The following SOX6 variants were observed in gnomAD, a reference collection of about 807,000 sequenced individuals.
The protein encoded by SOX6 is transcription factor SOX-6.
A neutral mutation model predicts 97.8 loss-of-function variants in SOX6; 11 were observed. The observed-to-expected ratio is 0.11, with a 90% CI of 0.07 to 0.19. SOX6 has a LOEUF of 0.19. Among genes scored for constraint, SOX6 ranks in the 10% least tolerant of loss-of-function variants. The probability of loss-of-function intolerance (pLI) is 1.00; values close to 1 mark genes in which losing one functional copy is unlikely to be tolerated. For missense variants in SOX6, 810 were observed against 1,039.5 expected, an observed-to-expected ratio of 0.78 and a Z score of 3.04; for synonymous variants, 360 against 371.4, an observed-to-expected ratio of 0.97 and a Z score of 0.35.
intron 3 of SOX6, among the ~76,000 whole-genome samples, chr11:16,250,227 T>A (rs1183486573): frequency 1.3e-5 from 2 of 152,170 alleles, no homozygotes; most frequent in Non-Finnish European, 2.9e-5. Flanking sequence ...GCTCTCCTTA[T>A]GATAAAGAAT....
chr11:16,547,730 A>C (rs553375568), intron 4 of SOX6, among the ~76,000 whole-genome samples: 1 of 152,262 alleles, frequency 6.6e-6, no homozygotes, highest in South Asian at 2.1e-4. Flanking sequence ...AAGTAGAGTG[A>C]TTATCATTAA....
At chr11:16,442,655 A>G (rs1032660630) in intron 1 of SOX6, among the ~76,000 whole-genome samples, 2 of 152,148 alleles carry the variant, frequency 1.3e-5, no homozygotes, top group Non-Finnish European at 2.9e-5. Flanking sequence ...TTGGCTAGCA[A>G]AGTATAAGAA....
At chr11:16,466,930 C>CAAAAAAA (rs764424447) in intron 1 of SOX6, among the ~76,000 whole-genome samples, 1 of 41,550 alleles carries the variant, frequency 2.4e-5, no homozygotes, top group Non-Finnish European at 4.3e-5. Context: ...GACTCCGTCT[C>CAAAAAAA]AAAAAAAAAA....
rs190162161 is a variant in SOX6, at chr11:15,999,839, C to T, written c.1733-10609G>A. On this transcript the variant is annotated intron_variant, in intron 13 of 15. Transcript: ENST00000683767. ...TATTAATAGAATAGTTGATTTTCTC[C>T]TGTGAGATTCTGAAGAGTCACACAA... Among the ~76,000 whole-genome samples, 25 of 152,204 alleles carry T rather than the reference C, an allele frequency of 1.6e-4. No homozygotes were observed. In the East Asian group the frequency reaches 4.8e-3, roughly 29 times the overall value.
At chr11:16,056,465 G>C (rs567230786) in intron 9 of SOX6, among the ~76,000 whole-genome samples, 1 of 152,172 alleles carries the variant, frequency 6.6e-6, no homozygotes, top group East Asian at 1.9e-4. Context: ...TTATTTCTAG[G>C]CAGCGTATAA....
chr11:16,523,561 C>G (rs958699198), intron 4 of SOX6, among the ~76,000 whole-genome samples: 1 of 151,910 alleles, frequency 6.6e-6, no homozygotes, highest in Non-Finnish European at 1.5e-5. Context: ...CCTAACATCA[C>G]AATTAAAAGA....
intron 4 of SOX6, among the ~76,000 whole-genome samples, chr11:16,205,117 T>C (rs552201068): frequency 6.6e-6 from 1 of 152,276 alleles, no homozygotes; most frequent in South Asian, 2.1e-4. Flanking sequence ...AATGCTCATC[T>C]AATAGCAGAA....
At chr11:16,097,539 A>C (rs917516924) in intron 8 of SOX6, 70 bp downstream of exon 8, 4 of 1,310,954 alleles carry the variant, frequency 3.1e-6, no homozygotes, top group Non-Finnish European at 4.4e-6. Flanking sequence ...ATTATTTAGC[A>C]TACAGCTGGT....
intron 1 of SOX6, among the ~76,000 whole-genome samples, chr11:16,462,361 G>A (rs1206283534): frequency 6.6e-6 from 1 of 152,140 alleles, no homozygotes; most frequent in African/African-American, 2.4e-5. Context: ...TACTGTCTTG[G>A]GAGTTTATAT....
At chr11:16,179,412 CAT>C (rs1565001848) in intron 6 of SOX6, among the ~76,000 whole-genome samples, 2 of 151,806 alleles carry the variant, frequency 1.3e-5, no homozygotes, top group Non-Finnish European at 2.9e-5. Context: ...GAAAGATAAT[CAT>C]ATATGCTTAA....
rs869051811 is a variant in SOX6 at position 16,132,338 on chromosome 11, AAAAGAAAGAAAGAAAGAAAG to A, written c.778-20435_778-20416del. ...AGGAAGGAAGGAAGGAAGGAAAGAAAAAAGAAAGAAAGAAAGAAAGAAAGAAAGAAAGAAAGAAAGAAAGA... is the reference window on the plus strand; with the variant it reads ...AGGAAGGAAGGAAGGAAGGAAAGAAAAAAGAAAGAAAGAAAGAAAGAAAGA... On this transcript the variant is annotated intron_variant, in intron 6 of 15. Coordinates refer to ENST00000683767, the MANE Select transcript of SOX6 (RefSeq NM_001367873.1). 2.7e-4 allele frequency among the ~76,000 whole-genome samples: 11 copies of A among 40,676 alleles called. 1 individual carries two copies. The highest frequency in any genetic ancestry group is 5.4e-4 in the African/African-American group (5 of 9,342). The allele number at this position is 40,676 out of a possible 152,430, so 26.7% of individuals were successfully genotyped here.
At chr11:16,397,282 T>C (rs142873322) in intron 1 of SOX6, among the ~76,000 whole-genome samples, 3 of 151,578 alleles carry the variant, frequency 2.0e-5, no homozygotes, top group Non-Finnish European at 4.4e-5. Context: ...TACTTTTTAG[T>C]TACTGTCTAC....
At chr11:16,195,183 T>C (rs1851738933) in intron 4 of SOX6, among the ~76,000 whole-genome samples, 2 of 152,328 alleles carry the variant, frequency 1.3e-5, no homozygotes, top group Non-Finnish European at 2.9e-5. Flanking sequence ...ATTCTTGTTA[T>C]CTTAATCCTC....
intron 3 of SOX6, among the ~76,000 whole-genome samples, chr11:16,306,018 A>G (rs1855419860): frequency 6.6e-6 from 1 of 152,142 alleles, no homozygotes; most frequent in Non-Finnish European, 1.5e-5. Flanking sequence ...AAAACTGTTC[A>G]GCATTTGACT....
At chr11:16,587,045 C>CT (rs1227638499) in intron 4 of SOX6, among the ~76,000 whole-genome samples, 1 of 152,166 alleles carries the variant, frequency 6.6e-6, no homozygotes, top group Non-Finnish European at 1.5e-5. Context: ...CAAGGACTGC[C>CT]TTAATAAACA....
At chr11:16,227,408 C>A (rs977234236) in intron 4 of SOX6, among the ~76,000 whole-genome samples, 5 of 151,750 alleles carry the variant, frequency 3.3e-5, no homozygotes, top group Non-Finnish European at 7.4e-5. Context: ...TTCATTCGTT[C>A]AACAAATATT....
chr11:16,113,516 T>C lies in SOX6; in HGVS notation c.778-1593A>G, dbSNP rs538704316. 1.3e-4 allele frequency among the ~76,000 whole-genome samples: 20 copies of C among 152,290 alleles called. No individual in the cohort carries two copies. In the South Asian group the frequency reaches 3.5e-3, roughly 27 times the overall value. ...AAGCACCGGGTTTGCTGTTGAACTCTAGCTTGTTGTACCCTGATGCAAACC... is the reference window on the plus strand; with the variant it reads ...AAGCACCGGGTTTGCTGTTGAACTCCAGCTTGTTGTACCCTGATGCAAACC... On this transcript the variant is annotated intron_variant, in intron 6 of 15. Coordinates refer to ENST00000683767, the MANE Select transcript of SOX6 (RefSeq NM_001367873.1).
intron 6 of SOX6, among the ~76,000 whole-genome samples, chr11:16,182,537 A>C (rs1343115238): frequency 6.6e-6 from 1 of 151,910 alleles, no homozygotes; most frequent in East Asian, 1.9e-4. Flanking sequence ...AGCATGAGTC[A>C]TAAAAGAGAT....
rs1394129408 is a variant in SOX6 at position 16,662,927 on chromosome 11, A to T, written n.430-50667T>A. On this transcript the variant is annotated intron_variant and non_coding_transcript_variant, in intron 3 of 5. Coordinates refer to the SOX6 transcript ENST00000524520. ...GGCTGCTTGTGAATTCCTGTCCTCA[A>T]GCAATTCTCCCACCTTGGCCCCCAA... Among the ~76,000 whole-genome samples, 4 of 152,098 alleles carry T rather than the reference A, an allele frequency of 2.6e-5. No individual in the cohort carries two copies. In the South Asian group the frequency reaches 8.3e-4, roughly 32 times the overall value.
Sources: gnomAD v4.1 joint callset for allele counts (sites outside exome capture counted in the v4.1 genomes callset) on GRCh38, gnomAD v4.1.1 for gene constraint, MANE v1.5 for transcripts, NCBI Gene and HGNC (gene_info 2026-07-23, HGNC 2026-07-21) for gene names.